The following SNTG1 variants were observed in gnomAD, a reference collection of about 807,000 sequenced individuals.
SNTG1 encodes syntrophin gamma 1, also known as gamma-1-syntrophin.
In SNTG1, 39 loss-of-function variants were observed where a neutral mutation model predicts 74.7. That is an observed-to-expected ratio of 0.52 (90% CI 0.40 to 0.68). The LOEUF is 0.68. Ranked by LOEUF, SNTG1 falls within the 30% of genes least tolerant of loss-of-function variation. The pLI, the probability that SNTG1 is intolerant of heterozygous loss-of-function variation, is 0.00. For synonymous variants in SNTG1, 254 were observed against 217.1 expected (o/e 1.17, Z -1.49); for missense variants, 685 against 609.5 (o/e 1.12, Z -1.30).
At chr8:50,181,286 A>G (rs192504388) in intron 2 of SNTG1, among the ~76,000 whole-genome samples, 5 of 152,250 alleles carry the variant, frequency 3.3e-5, no homozygotes, top group African/African-American at 1.2e-4. Context: ...TGTGTCTCAG[A>G]TCCTGCATCT....
At chr8:50,688,846 A>G (rs4437666) in intron 15 of SNTG1, among the ~76,000 whole-genome samples, 91,700 of 151,470 alleles carry the variant, frequency 0.61, 29,877 homozygotes, top group Non-Finnish European at 0.72. Flanking sequence ...ATTACCTTGG[A>G]CAGTATGGCC....
intron 2 of SNTG1, among the ~76,000 whole-genome samples, chr8:50,217,888 C>A (rs1270814309): frequency 6.6e-6 from 1 of 152,122 alleles, no homozygotes; most frequent in East Asian, 1.9e-4. Context: ...AGACTGCATT[C>A]ATTCTGAGCC....
intron 2 of SNTG1, among the ~76,000 whole-genome samples, chr8:50,379,417 G>T (rs1455661508): frequency 6.6e-6 from 1 of 152,124 alleles, no homozygotes; most frequent in Non-Finnish European, 1.5e-5. Flanking sequence ...TTGTGCCGAT[G>T]GGGGGTCAGG....
At chr8:50,191,287 A>G (rs139189842) in intron 2 of SNTG1, among the ~76,000 whole-genome samples, 1 of 152,142 alleles carries the variant, frequency 6.6e-6, no homozygotes, top group South Asian at 2.1e-4. Context: ...ATTGTAACAG[A>G]TATTTTATCC....
intron 16 of SNTG1, among the ~76,000 whole-genome samples, chr8:50,707,041 T>A (rs914685130): frequency 6.6e-6 from 1 of 151,964 alleles, no homozygotes. Flanking sequence ...ATTAAACATA[T>A]TAACTATACG....
chr8:50,669,918 G>T (rs371385815), intron 15 of SNTG1, among the ~76,000 whole-genome samples: 88 of 151,806 alleles, frequency 5.8e-4, no homozygotes, highest in Middle Eastern at 6.8e-3. Flanking sequence ...ATCCAGCATA[G>T]AAACAGAACC....
intron 13 of SNTG1, among the ~76,000 whole-genome samples, chr8:50,616,635 C>A (rs2094887056): frequency 6.6e-6 from 1 of 152,196 alleles, no homozygotes; most frequent in Non-Finnish European, 1.5e-5. Flanking sequence ...CTTGAGCCCT[C>A]CCCCTCAGCT....
intron 2 of SNTG1, among the ~76,000 whole-genome samples, chr8:50,393,254 C>T (rs1006327151): frequency 3.3e-5 from 5 of 152,188 alleles, no homozygotes; most frequent in African/African-American, 1.2e-4. Flanking sequence ...AGTTCAGTGA[C>T]AGCATGGTGA....
At chr8:50,675,056 G>C (rs1434887503) in intron 15 of SNTG1, among the ~76,000 whole-genome samples, 1 of 151,844 alleles carries the variant, frequency 6.6e-6, no homozygotes, top group Non-Finnish European at 1.5e-5. Context: ...CAGTTCTTTT[G>C]CATTTTCTCA....
At chr8:50,277,107 C>T (rs909487184) in intron 2 of SNTG1, among the ~76,000 whole-genome samples, 1 of 151,988 alleles carries the variant, frequency 6.6e-6, no homozygotes, top group Non-Finnish European at 1.5e-5. Flanking sequence ...GGATTACAGG[C>T]GTGAGCCACA....
intron 1 of SNTG1, among the ~76,000 whole-genome samples, chr8:49,930,498 A>G (rs1563361035): frequency 5.1e-5 from 1 of 19,468 alleles, no homozygotes; most frequent in Admixed American, 9.8e-4. Context: ...GGAGATATAT[A>G]ATATATATGT....
In SNTG1 at chr8:50,028,458, C is replaced by T. The variant is rs547334252; in HGVS notation, c.-103+116227C>T. Among the ~76,000 whole-genome samples, 7 of 151,956 alleles carry T rather than the reference C, an allele frequency of 4.6e-5. No individual in the cohort carries two copies. In the South Asian group the frequency reaches 1.5e-3, roughly 32 times the overall value. The stretch of plus-strand genomic sequence containing the variant: ...ATTTGTGTGGACATGTTTCCATTTC[C>T]ATGAAATAAATGGCCAGCTGTGCCA... On this transcript the variant is annotated intron_variant, in intron 1 of 18. Transcript: ENST00000642720.
chr8:50,097,865 T>C (rs1182758123), intron 1 of SNTG1, among the ~76,000 whole-genome samples: 1 of 152,230 alleles, frequency 6.6e-6, no homozygotes, highest in African/African-American at 2.4e-5. Context: ...TTGTTAAGTA[T>C]GCTGTATTTC....
intron 18 of SNTG1, among the ~76,000 whole-genome samples, chr8:50,779,224 T>A (rs538573969): frequency 1.7e-4 from 26 of 152,338 alleles, no homozygotes; most frequent in African/African-American, 5.8e-4. Context: ...AAGTAGTTTT[T>A]TCCAATTCTG....
At position 50,513,619 on chromosome 8, in the gene SNTG1, A is replaced by G. The variant is rs534078653; in HGVS notation, c.466+10739A>G. On this transcript the variant is annotated intron_variant, in intron 9 of 18. Coordinates refer to ENST00000642720, the MANE Select transcript of SNTG1 (RefSeq NM_018967.5). Reference sequence around the variant, plus strand: ...CCTACTCAAGCCTTGGCAATGGCGGATGCCCCTCCCCAGCCTCACTGCTGC... The same window carrying G: ...CCTACTCAAGCCTTGGCAATGGCGGGTGCCCCTCCCCAGCCTCACTGCTGC... Among the ~76,000 whole-genome samples the G allele has an allele frequency of 1.3e-3, 205 of 152,274 alleles. 2 individuals carry two copies. Among genetic ancestry groups the G allele is most frequent in the African/African-American group, 4.6e-3 (193 of 41,576 alleles).
chr8:50,584,387 G>A (rs145351747), intron 12 of SNTG1, among the ~76,000 whole-genome samples: 7 of 152,164 alleles, frequency 4.6e-5, no homozygotes, highest in East Asian at 1.9e-4. Flanking sequence ...CACCAACAGC[G>A]TAAAAGTGTT....
intron 13 of SNTG1, among the ~76,000 whole-genome samples, chr8:50,594,462 A>T (rs990263951): frequency 2.6e-5 from 4 of 152,074 alleles, no homozygotes; most frequent in African/African-American, 9.7e-5. Context: ...CAAATTATTT[A>T]TATTAGTTTA....
At chr8:50,049,446 A>G (rs1819380832) in intron 1 of SNTG1, among the ~76,000 whole-genome samples, 2 of 152,164 alleles carry the variant, frequency 1.3e-5, no homozygotes, top group African/African-American at 4.8e-5. Context: ...AGAAGTCATA[A>G]TAGTCATTAA....
intron 1 of SNTG1, among the ~76,000 whole-genome samples, chr8:50,161,122 A>C (rs1175256955): frequency 6.6e-5 from 10 of 151,876 alleles, no homozygotes; most frequent in Non-Finnish European, 1.2e-4. Context: ...TGTCCTGAAG[A>C]TGATGATGAT....
Sources: allele counts gnomAD v4.1 joint callset (sites outside exome capture counted in the v4.1 genomes callset), GRCh38; gene constraint gnomAD v4.1.1; transcripts MANE v1.5; gene names NCBI Gene and HGNC (gene_info 2026-07-23, HGNC 2026-07-21).